The following CNTNAP2 variants were observed in gnomAD, a reference collection of about 807,000 sequenced individuals.
CNTNAP2 encodes the protein contactin associated protein 2.
CNTNAP2 carries 98 observed loss-of-function variants against 155.2 expected under a neutral mutation model. That is an observed-to-expected ratio of 0.63 (90% CI 0.54 to 0.75). The LOEUF is 0.75. Among genes scored for constraint, CNTNAP2 ranks in the 30% least tolerant of loss-of-function variants. CNTNAP2 has a pLI of 0.00. For synonymous variants in CNTNAP2, 651 were observed against 631.2 expected, an observed-to-expected ratio of 1.03 and a Z score of -0.47; for missense variants, 1,727 against 1,688.1, an observed-to-expected ratio of 1.02 and a Z score of -0.40.
rs756029588 is a variant in CNTNAP2, at chr7:147,977,924, G to C, written c.2318G>C (p.Gly773Ala). Reference sequence around the variant, plus strand: ...CTGCCAGTGAGCCAAGTGGTGGTTGGAGATACTGACCGTCAAGGCTCAGAA... The same window carrying C: ...CTGCCAGTGAGCCAAGTGGTGGTTGCAGATACTGACCGTCAAGGCTCAGAA... ...DHLPVSQVVV[G>A]DTDRQGSEAK... The change falls in exon 15 of 24, where the codon GGA (glycine) becomes GCA (alanine). Residue 773 changes from glycine to alanine, a missense_variant. Physicochemically the swap from Gly to Ala is moderately conservative, Grantham distance 60. Transcript: ENST00000361727. 1 of 1,614,002 alleles carries C rather than the reference G, an allele frequency of 6.2e-7. No individual in the cohort carries two copies. Among genetic ancestry groups the C allele is most frequent in the East Asian group, 2.2e-5 (1 of 44,880 alleles).
chr7:146,265,267 A>T (rs910349866), intron 1 of CNTNAP2, among the ~76,000 whole-genome samples: 1 of 152,136 alleles, frequency 6.6e-6, no homozygotes, highest in Admixed American at 6.6e-5. Flanking sequence ...GGTTATTTAC[A>T]TTATACATTA....
At chr7:146,146,085 C>A (rs981749328) in intron 1 of CNTNAP2, among the ~76,000 whole-genome samples, 2 of 152,084 alleles carry the variant, frequency 1.3e-5, no homozygotes, top group Non-Finnish European at 2.9e-5. Flanking sequence ...ATGATGAGTA[C>A]AACTAAACCC....
At position 147,359,196 on chromosome 7, in the gene CNTNAP2, C is replaced by A. The variant is rs1293528208; in HGVS notation, c.1499-36413C>A. 3.3e-5 allele frequency among the ~76,000 whole-genome samples: 5 copies of A among 152,238 alleles called. No individual in the cohort carries two copies. The South Asian group carries it at 1.0e-3, about 32-fold the overall frequency. On this transcript the variant is annotated intron_variant, in intron 9 of 23. Transcript: ENST00000361727. ...CATAAACCTGTTCTGTTTCAGTTTT[C>A]TCCACCTCTGTAAATGGCCGCTCTA...
intron 1 of CNTNAP2, among the ~76,000 whole-genome samples, chr7:146,392,048 G>A (rs748091204): frequency 1.3e-5 from 2 of 152,102 alleles, no homozygotes; most frequent in African/African-American, 4.8e-5. Flanking sequence ...TTGGTGAGTA[G>A]TATTAAGAAA....
intron 14 of CNTNAP2, among the ~76,000 whole-genome samples, chr7:147,943,925 C>T (rs1225266634): frequency 1.3e-5 from 2 of 151,994 alleles, no homozygotes; most frequent in African/African-American, 4.8e-5. Flanking sequence ...AGTCTCTCCC[C>T]AGCAGTTCAA....
At chr7:146,594,469 G>T (rs557542262) in intron 1 of CNTNAP2, among the ~76,000 whole-genome samples, 1 of 146,442 alleles carries the variant, frequency 6.8e-6, no homozygotes, top group South Asian at 2.2e-4. Flanking sequence ...TTTCATAAAT[G>T]TGACTCCCTA....
chr7:146,928,009 C>T (rs2129221845), intron 3 of CNTNAP2, among the ~76,000 whole-genome samples: 2 of 149,076 alleles, frequency 1.3e-5, no homozygotes, highest in Admixed American at 6.7e-5. Context: ...TATAATTTTC[C>T]TTATAAAATA....
chr7:147,144,892 G>A (rs748018146), intron 8 of CNTNAP2, among the ~76,000 whole-genome samples: 29 of 152,132 alleles, frequency 1.9e-4, no homozygotes, highest in Non-Finnish European at 3.4e-4. Flanking sequence ...GTGTGTGCAG[G>A]AGTACATGCA....
intron 10 of CNTNAP2, among the ~76,000 whole-genome samples, chr7:147,480,762 C>T (rs1467380412): frequency 6.6e-6 from 1 of 152,138 alleles, no homozygotes; most frequent in Admixed American, 6.5e-5. Flanking sequence ...ACTGCATTCT[C>T]CTTTGAGCCC....
At chr7:146,298,694 T>C (rs1466655398) in intron 1 of CNTNAP2, among the ~76,000 whole-genome samples, 1 of 152,242 alleles carries the variant, frequency 6.6e-6, no homozygotes, top group Non-Finnish European at 1.5e-5. Context: ...GTTTGAAGCA[T>C]GTTTTTGAAT....
chr7:146,767,644 T>C (rs1802220730), intron 1 of CNTNAP2, among the ~76,000 whole-genome samples: 1 of 151,996 alleles, frequency 6.6e-6, no homozygotes, highest in Non-Finnish European at 1.5e-5. Flanking sequence ...GGGAGGAAAA[T>C]ATGGTATAAG....
At chr7:146,587,039 T>G (rs917510066) in intron 1 of CNTNAP2, among the ~76,000 whole-genome samples, 1 of 152,168 alleles carries the variant, frequency 6.6e-6, no homozygotes, top group South Asian at 2.1e-4. Context: ...TTTTATTTTT[T>G]TTTTTTTAAC....
intron 1 of CNTNAP2, among the ~76,000 whole-genome samples, chr7:146,658,655 TATG>T (rs1800034214): frequency 6.6e-6 from 1 of 152,166 alleles, no homozygotes; most frequent in South Asian, 2.1e-4. Context: ...TAAAGGGAGA[TATG>T]ATGCAAATTC....
rs911502235 is a variant in CNTNAP2 at position 146,614,632 on chromosome 7, T to C, written c.98-159639T>C. 1.8e-4 allele frequency among the ~76,000 whole-genome samples: 28 copies of C among 152,334 alleles called. No individual in the cohort carries two copies. The Middle Eastern group carries it at 0.017, about 93-fold the overall frequency. The stretch of plus-strand genomic sequence containing the variant: ...TGCAGGGAAAATGGTTAAGGTAGTC[T>C]TGTCAAATGTTGTGCTTGCAATCTG... On this transcript the variant is annotated intron_variant, in intron 1 of 23. Coordinates refer to ENST00000361727, the MANE Select transcript of CNTNAP2 (RefSeq NM_014141.6).
At chr7:148,316,673 A>C (rs1797694486) in intron 21 of CNTNAP2, among the ~76,000 whole-genome samples, 1 of 152,232 alleles carries the variant, frequency 6.6e-6, no homozygotes, top group Admixed American at 6.5e-5. Context: ...AATAGAAGTA[A>C]AAATATCAAT....
intron 4 of CNTNAP2, among the ~76,000 whole-genome samples, chr7:147,074,458 G>T (rs1244780972): frequency 6.6e-6 from 1 of 151,972 alleles, no homozygotes; most frequent in East Asian, 1.9e-4. Context: ...CCATTTCTAT[G>T]GTTGACCAGT....
intron 1 of CNTNAP2, among the ~76,000 whole-genome samples, chr7:146,483,704 A>G (rs1036527117): frequency 2.0e-5 from 3 of 151,952 alleles, no homozygotes; most frequent in Non-Finnish European, 4.4e-5. Context: ...AAAAAGAAAA[A>G]TAGAAAAAAA....
At chr7:148,332,747 ATCC>A (rs1798052083) in intron 21 of CNTNAP2, among the ~76,000 whole-genome samples, 1 of 152,158 alleles carries the variant, frequency 6.6e-6, no homozygotes. Flanking sequence ...ACACCAGGCC[ATCC>A]ATTTATCTGC....
chr7:146,172,897 C>T (rs1014949695), intron 1 of CNTNAP2, among the ~76,000 whole-genome samples: 2 of 152,120 alleles, frequency 1.3e-5, no homozygotes, highest in Admixed American at 6.5e-5. Context: ...TCCCAAGAAG[C>T]TCTGTGATAT....
Sources: allele counts gnomAD v4.1 joint callset (sites outside exome capture counted in the v4.1 genomes callset), GRCh38; gene constraint gnomAD v4.1.1; transcripts MANE v1.5; gene names NCBI Gene and HGNC (gene_info 2026-07-23, HGNC 2026-07-21).